Variants in SOX6 observed in about 807,000 individuals in gnomAD.
SOX6 encodes the protein SRY-box transcription factor 6, also known as transcription factor SOX-6.
A neutral mutation model predicts 97.8 loss-of-function variants in SOX6; 11 were observed. That is an observed-to-expected ratio of 0.11 (90% CI 0.07 to 0.19). The LOEUF (loss-of-function observed/expected upper bound fraction) is 0.19, where lower values mean the gene tolerates loss of function less well. SOX6 is among the 10% of genes least tolerant of loss of function. The pLI, the probability that SOX6 is intolerant of heterozygous loss-of-function variation, is 1.00. For missense variants in SOX6, 810 were observed against 1,039.5 expected (o/e 0.78, Z 3.04); for synonymous variants, 360 against 371.4 (o/e 0.97, Z 0.35).
intron 3 of SOX6, among the ~76,000 whole-genome samples, chr11:16,642,206 C>A (rs1035031608): frequency 3.9e-5 from 6 of 152,120 alleles, no homozygotes; most frequent in Non-Finnish European, 5.9e-5. Flanking sequence ...GTTGAAAATT[C>A]TTTTCTTTAA....
chr11:16,737,334 G>C (rs1187858349), intron 1 of SOX6, among the ~76,000 whole-genome samples: 2 of 152,080 alleles, frequency 1.3e-5, no homozygotes, highest in Admixed American at 1.3e-4. Flanking sequence ...AGCCTCCCGA[G>C]TAGCTGGGAT....
intron 4 of SOX6, among the ~76,000 whole-genome samples, chr11:16,514,338 A>G (rs1860928938): frequency 6.6e-6 from 1 of 152,136 alleles, no homozygotes; most frequent in Non-Finnish European, 1.5e-5. Context: ...TTATTTCACT[A>G]AAAGTAGGTC....
At chr11:16,387,108 C>G (rs972008621) in intron 1 of SOX6, among the ~76,000 whole-genome samples, 2 of 152,164 alleles carry the variant, frequency 1.3e-5, no homozygotes, top group Non-Finnish European at 2.9e-5. Flanking sequence ...ATCATCATTG[C>G]TCAGTGGTTT....
chr11:16,635,861 T>C (rs1286660205), intron 3 of SOX6, among the ~76,000 whole-genome samples: 1 of 152,218 alleles, frequency 6.6e-6, no homozygotes, highest in Non-Finnish European at 1.5e-5. Context: ...AGCTTCCACA[T>C]GGTGTTGGTC....
chr11:16,445,797 C>T (rs529779929), intron 1 of SOX6, among the ~76,000 whole-genome samples: 21 of 152,210 alleles, frequency 1.4e-4, no homozygotes, highest in African/African-American at 4.3e-4. Context: ...AGTCTATCTC[C>T]TTGTATAAAA....
chr11:16,496,600 A>T (rs1860601385), intron 4 of SOX6, among the ~76,000 whole-genome samples: 1 of 152,190 alleles, frequency 6.6e-6, no homozygotes, highest in Non-Finnish European at 1.5e-5. Flanking sequence ...AACACCTGGA[A>T]AATTGGGTCA....
At chr11:16,329,961 CT>C (rs1312037436) in intron 2 of SOX6, among the ~76,000 whole-genome samples, 2 of 152,146 alleles carry the variant, frequency 1.3e-5, no homozygotes, top group Non-Finnish European at 2.9e-5. Flanking sequence ...ATTACAGTAC[CT>C]TTCTATCCTC....
intron 6 of SOX6, among the ~76,000 whole-genome samples, chr11:16,171,150 C>T (rs374531288): frequency 1.3e-5 from 2 of 151,998 alleles, no homozygotes; most frequent in African/African-American, 2.4e-5. Context: ...CTGGGAGTTC[C>T]AGGGCTAACA....
At chr11:16,394,305 A>C (rs1858278144) in intron 1 of SOX6, among the ~76,000 whole-genome samples, 2 of 151,972 alleles carry the variant, frequency 1.3e-5, no homozygotes. Context: ...TGTAATAAAA[A>C]CATAAGGTGC....
chr11:15,990,155 T>C (rs1854001262), intron 13 of SOX6, among the ~76,000 whole-genome samples: 1 of 151,962 alleles, frequency 6.6e-6, no homozygotes, highest in African/African-American at 2.4e-5. Flanking sequence ...TGTGACTATC[T>C]CCCTCCTTTC....
At chr11:16,720,361 C>A (rs1848251019) in intron 2 of SOX6, among the ~76,000 whole-genome samples, 1 of 137,408 alleles carries the variant, frequency 7.3e-6, no homozygotes, top group African/African-American at 2.7e-5. Context: ...TACTATGCAG[C>A]CATAAAAAAT....
intron 6 of SOX6, among the ~76,000 whole-genome samples, chr11:16,137,784 C>T (rs536193631): frequency 6.6e-6 from 1 of 152,246 alleles, no homozygotes; most frequent in South Asian, 2.1e-4. Flanking sequence ...TAATTGAATG[C>T]TGGGGGCAGT....
chr11:16,262,109 A>G (rs2134215249), intron 3 of SOX6, among the ~76,000 whole-genome samples: 1 of 152,116 alleles, frequency 6.6e-6, no homozygotes, highest in East Asian at 1.9e-4. Context: ...TTCAAATTTG[A>G]CAACTGTTAA....
intron 1 of SOX6, chr11:16,434,435 G>T (rs1242244645): frequency 6.6e-6 from 1 of 152,076 alleles, no homozygotes; most frequent in African/African-American, 2.4e-5. Flanking sequence ...GCCATTATGG[G>T]GCTTGCTCTT....
At chr11:16,522,031 A>AT in intron 4 of SOX6, among the ~76,000 whole-genome samples, 1 of 152,246 alleles carries the variant, frequency 6.6e-6, no homozygotes, top group East Asian at 1.9e-4. Flanking sequence ...GACAGGAAGA[A>AT]TGGAACCAAG....
At chr11:16,022,634 A>G (rs552384755) in intron 12 of SOX6, among the ~76,000 whole-genome samples, 1 of 152,164 alleles carries the variant, frequency 6.6e-6, no homozygotes, top group South Asian at 2.1e-4. Flanking sequence ...GCTGGTTTTG[A>G]ACTCCTGACC....
At chr11:16,591,611 A>G (rs1420375560) in intron 4 of SOX6, among the ~76,000 whole-genome samples, 2 of 152,128 alleles carry the variant, frequency 1.3e-5, no homozygotes, top group African/African-American at 2.4e-5. Context: ...TCTATTTTCA[A>G]TTTAAAAATT....
At chr11:16,399,661 G>T (rs1216634452) in intron 1 of SOX6, among the ~76,000 whole-genome samples, 1 of 151,408 alleles carries the variant, frequency 6.6e-6, no homozygotes, top group African/African-American at 2.4e-5. Context: ...ACCTGAGTTT[G>T]CCCAGTTCAT....
chr11:16,388,795 T>C (rs1482495677), intron 1 of SOX6, among the ~76,000 whole-genome samples: 5 of 152,154 alleles, frequency 3.3e-5, no homozygotes, highest in Non-Finnish European at 7.4e-5. Context: ...TTTTTGCCTG[T>C]ACATTTTTCT....
Sources: allele counts gnomAD v4.1 joint callset (sites outside exome capture counted in the v4.1 genomes callset), GRCh38; gene constraint gnomAD v4.1.1; transcripts MANE v1.5; gene names NCBI Gene and HGNC (gene_info 2026-07-23, HGNC 2026-07-21).